MAGI2: variants seen among roughly 807,000 people sequenced by gnomAD.
MAGI2 encodes the protein membrane-associated guanylate kinase, WW and PDZ domain-containing protein 2.
In MAGI2, 35 loss-of-function variants were observed where a neutral mutation model predicts 133.3. The ratio of observed to expected loss-of-function variants is 0.26; its 90% CI spans 0.20 to 0.35. The LOEUF (loss-of-function observed/expected upper bound fraction) is 0.35, where lower values mean the gene tolerates loss of function less well. Ranked by LOEUF, MAGI2 falls within the 10% of genes least tolerant of loss-of-function variation. The pLI is 1.00. For missense variants in MAGI2, 1,636 were observed against 1,863.4 expected, an observed-to-expected ratio of 0.88 and a Z score of 2.25; for synonymous variants, 729 against 710.6, an observed-to-expected ratio of 1.03 and a Z score of -0.41.
Position 78,805,605 on chromosome 7 carries a change from A to G in MAGI2, c.419-178366T>C, listed in dbSNP as rs558963604. ...TACCTGCTAGTATTCACGCCCTTGT[A>G]TAGTTCATTTGCACACTGCATATAG... On this transcript the variant is annotated intron_variant, in intron 2 of 21. Coordinates refer to ENST00000354212, the MANE Select transcript of MAGI2 (RefSeq NM_012301.4). Among the ~76,000 whole-genome samples the G allele has an allele frequency of 2.6e-5, 4 of 152,192 alleles. No homozygotes were observed. In the South Asian group the frequency reaches 8.3e-4, roughly 31 times the overall value.
intron 9 of MAGI2, among the ~76,000 whole-genome samples, chr7:78,289,233 T>C (rs1382899588): frequency 6.6e-6 from 1 of 152,138 alleles, no homozygotes; most frequent in Non-Finnish European, 1.5e-5. Flanking sequence ...AAAGGCTAAC[T>C]AGAATAAACA....
At chr7:78,279,111 T>G (rs1329385250) in intron 9 of MAGI2, among the ~76,000 whole-genome samples, 1 of 152,114 alleles carries the variant, frequency 6.6e-6, no homozygotes, top group Non-Finnish European at 1.5e-5. Context: ...TACTAGTTGG[T>G]TTTTAGTCCT....
At chr7:78,110,609 GA>G (rs1563134859) in intron 20 of MAGI2, among the ~76,000 whole-genome samples, 1 of 152,206 alleles carries the variant, frequency 6.6e-6, no homozygotes, top group Non-Finnish European at 1.5e-5. Context: ...TCCCCATATG[GA>G]GAAGTACTTA....
At chr7:78,830,901 T>C (rs568324655) in intron 2 of MAGI2, among the ~76,000 whole-genome samples, 2 of 152,320 alleles carry the variant, frequency 1.3e-5, no homozygotes, top group East Asian at 3.9e-4. Context: ...CAGCAAAGTC[T>C]CTTGATATAT....
intron 2 of MAGI2, among the ~76,000 whole-genome samples, chr7:78,879,354 A>C (rs1471750368): frequency 6.6e-6 from 1 of 152,142 alleles, no homozygotes; most frequent in Non-Finnish European, 1.5e-5. Flanking sequence ...AATAAATTAT[A>C]TACCCATCTA....
chr7:78,720,062 T>C (rs1005830496), intron 2 of MAGI2, among the ~76,000 whole-genome samples: 6 of 152,168 alleles, frequency 3.9e-5, no homozygotes, highest in South Asian at 2.1e-4. Context: ...GAATCATATA[T>C]CATAGTACTG....
intron 6 of MAGI2, among the ~76,000 whole-genome samples, chr7:78,376,885 C>T (rs1370581649): frequency 6.6e-6 from 1 of 152,080 alleles, no homozygotes; most frequent in African/African-American, 2.4e-5. Flanking sequence ...AAGGTCAAAA[C>T]ATGATGAACC....
intron 1 of MAGI2, among the ~76,000 whole-genome samples, chr7:79,038,241 TG>T (rs1179942720): frequency 6.6e-6 from 1 of 152,170 alleles, no homozygotes; most frequent in Non-Finnish European, 1.5e-5. Context: ...TCAGGTAAAA[TG>T]TTGTCTCCAT....
intron 2 of MAGI2, among the ~76,000 whole-genome samples, chr7:78,985,576 T>C: frequency 6.6e-6 from 1 of 151,526 alleles, no homozygotes; most frequent in South Asian, 2.1e-4. Context: ...TCGCCATAAC[T>C]CAGGCAGTAA....
intron 10 of MAGI2, among the ~76,000 whole-genome samples, chr7:78,210,622 T>C (rs914845868): frequency 6.6e-6 from 1 of 152,198 alleles, no homozygotes; most frequent in African/African-American, 2.4e-5. Context: ...AGTTCTATAG[T>C]AATTGGCTCT....
chr7:78,689,398 A>G (rs965642024), intron 2 of MAGI2, among the ~76,000 whole-genome samples: 7 of 152,160 alleles, frequency 4.6e-5, no homozygotes, highest in Non-Finnish European at 1.0e-4. Context: ...TTATCAGAAA[A>G]AAACCATTCT....
intron 6 of MAGI2, among the ~76,000 whole-genome samples, chr7:78,411,327 G>A (rs1797855096): frequency 6.6e-6 from 1 of 152,076 alleles, no homozygotes; most frequent in South Asian, 2.1e-4. Context: ...ATATAACCTG[G>A]TGAACCTGGG....
At chr7:78,573,263 AAT>A (rs1362030877) in intron 3 of MAGI2, among the ~76,000 whole-genome samples, 3 of 15,680 alleles carry the variant, frequency 1.9e-4, no homozygotes, top group African/African-American at 2.3e-4. Flanking sequence ...TATAAATATA[AAT>A]ATATATAAAT....
At chr7:78,285,230 G>C (rs1385610096) in intron 9 of MAGI2, among the ~76,000 whole-genome samples, 1 of 151,998 alleles carries the variant, frequency 6.6e-6, no homozygotes, top group Admixed American at 6.6e-5. Context: ...AGACAATCTA[G>C]GTTACGCATC....
intron 2 of MAGI2, among the ~76,000 whole-genome samples, chr7:78,851,092 C>A (rs1793089205): frequency 1.3e-5 from 2 of 151,762 alleles, no homozygotes; most frequent in South Asian, 4.2e-4. Context: ...GTATTCATTG[C>A]AAATAGCTTT....
intron 6 of MAGI2, among the ~76,000 whole-genome samples, chr7:78,452,606 T>A (rs985896): frequency 6.6e-6 from 1 of 151,580 alleles, no homozygotes; most frequent in South Asian, 2.1e-4. Context: ...AATTAATTTT[T>A]ATAATAAAGA....
chr7:78,860,100 A>C (rs1033943452), intron 2 of MAGI2, among the ~76,000 whole-genome samples: 2 of 152,144 alleles, frequency 1.3e-5, no homozygotes, highest in African/African-American at 4.8e-5. Flanking sequence ...CAGGTCATTT[A>C]AGGTCTTCTC....
intron 1 of MAGI2, among the ~76,000 whole-genome samples, chr7:79,108,518 T>A (rs1315069943): frequency 6.6e-6 from 1 of 152,234 alleles, no homozygotes; most frequent in Non-Finnish European, 1.5e-5. Context: ...CCAGTTTGAT[T>A]TTTTTCTCAA....
chr7:78,495,845 G>T (rs1027136631), intron 5 of MAGI2, among the ~76,000 whole-genome samples: 2 of 151,998 alleles, frequency 1.3e-5, no homozygotes, highest in African/African-American at 4.8e-5. Flanking sequence ...TTTATTTTCT[G>T]TCTGGAAATT....
Sources: allele counts gnomAD v4.1 joint callset (sites outside exome capture counted in the v4.1 genomes callset), GRCh38; gene constraint gnomAD v4.1.1; transcripts MANE v1.5; gene names NCBI Gene and HGNC (gene_info 2026-07-23, HGNC 2026-07-21).